The following ENDOD1 variants were observed in gnomAD, a reference collection of about 807,000 sequenced individuals.
ENDOD1 encodes endonuclease domain-containing 1 protein.
ENDOD1 carries 9 observed loss-of-function variants against 6.5 expected under a neutral mutation model. That is an observed-to-expected ratio of 1.39 (90% CI 0.84 to 2.43). The LOEUF (loss-of-function observed/expected upper bound fraction) is 2.43, where lower values mean the gene tolerates loss of function less well. Ranked by LOEUF, ENDOD1 falls within the 30% of genes most tolerant of loss-of-function variation. The pLI is 0.00. For synonymous variants in ENDOD1, 255 were observed against 255.2 expected (o/e 1.00, Z 0.01); for missense variants, 648 against 635.5 (o/e 1.02, Z -0.21).
chr11:95,112,764 C>T (rs915191786), intron 1 of ENDOD1, among the ~76,000 whole-genome samples: 3 of 152,186 alleles, frequency 2.0e-5, no homozygotes, highest in Admixed American at 6.5e-5. Flanking sequence ...TCTGAAATTC[C>T]GTTGCTTTTC....
chr11:95,092,370 GAGT>G (rs1555109954), intron 1 of ENDOD1, among the ~76,000 whole-genome samples: 10 of 152,158 alleles, frequency 6.6e-5, no homozygotes, highest in East Asian at 1.9e-4. Context: ...GCTAGGGAAG[GAGT>G]GAGTCGTAAA....
intron 1 of ENDOD1, among the ~76,000 whole-genome samples, chr11:95,110,315 T>C (rs1182358157): frequency 6.6e-6 from 1 of 152,144 alleles, no homozygotes; most frequent in Non-Finnish European, 1.5e-5. Flanking sequence ...CCCAATATCA[T>C]CCCCTTGCTC....
intron 1 of ENDOD1, among the ~76,000 whole-genome samples, chr11:95,092,624 C>T (rs1036965222): frequency 6.6e-5 from 10 of 152,156 alleles, no homozygotes; most frequent in Admixed American, 2.0e-4. Context: ...ATGCTTTTCC[C>T]TGCAAGGTGG....
At chr11:95,108,534 C>CACACAAAAAA (rs1176686943) in intron 1 of ENDOD1, among the ~76,000 whole-genome samples, 6 of 141,756 alleles carry the variant, frequency 4.2e-5, no homozygotes, top group African/African-American at 1.5e-4. Flanking sequence ...CACAGACACC[C>CACACAAAAAA]AAAAAAAGAA....
At chr11:95,109,036 GT>G (rs1859121741) in intron 1 of ENDOD1, among the ~76,000 whole-genome samples, 1 of 152,092 alleles carries the variant, frequency 6.6e-6, no homozygotes, top group Non-Finnish European at 1.5e-5. Context: ...TGCCTATATT[GT>G]AGTTCACACA....
rs759094081 is a variant in ENDOD1, at chr11:95,128,419, G to A, written c.343G>A (p.Ala115Thr). Residue 115 changes from alanine to threonine, a missense_variant, in exon 2 of 2, where the codon GCA (alanine) becomes ACA (threonine). Transcript: ENST00000278505. ...CAACCTTGAGGAGGCGATTAATGAG[G>A]CAGAGGCCATCACCTCTGTGAACAG... The part of the protein sequence containing the change: ...NSNLEEAINE[A>T]EAITSVNSLG... 6.2e-7 allele frequency: 1 copy of A among 1,614,086 alleles called. No individual in the cohort carries two copies. The highest frequency in any genetic ancestry group is 1.1e-5 in the South Asian group (1 of 91,074).
chr11:95,128,962 G>A lies in ENDOD1; in HGVS notation c.886G>A (p.Val296Ile), dbSNP rs748962440. 2.5e-6 allele frequency: 4 copies of A among 1,614,028 alleles called. No homozygotes were observed. The highest frequency in any genetic ancestry group is 1.6e-4 in the Middle Eastern group (1 of 6,062). The change falls in exon 2 of 2, where the codon GTA (valine) becomes ATA (isoleucine). Residue 296 changes from valine (V) to isoleucine (I), a missense_variant. Physicochemically the swap from Val to Ile is conservative, Grantham distance 29 (BLOSUM62 3). Coordinates refer to ENST00000278505, the MANE Select transcript of ENDOD1 (RefSeq NM_015036.3). ...CCAAATCCAGGATGAAGAACGAATG[G>A]TACAATCTCAAAAGAGTTCTAGTCC... ...VNQIQDEERM[V>I]QSQKSSSPLS...
rs1000369317 is a variant in ENDOD1, at chr11:95,090,245, C to A, written c.300+18C>A. The A allele has an allele frequency of 9.6e-6, 13 of 1,361,252 alleles. No individual in the cohort carries two copies. In the African/African-American group the frequency reaches 1.8e-4, roughly 19 times the overall value. The allele number at this position is 1,361,252 out of a possible 1,614,324, so 84.3% of individuals were successfully genotyped here. A position where few individuals can be genotyped will look rare whatever the true frequency, so the allele number is the denominator to read the frequency against. Reference sequence around the variant, plus strand: ...AGCCGCAGGTAAGCGAAGTGGTTCCCGAGCCGGGCTGCGGGCGCCGGAGAC... The same window carrying A: ...AGCCGCAGGTAAGCGAAGTGGTTCCAGAGCCGGGCTGCGGGCGCCGGAGAC... On this transcript the variant is annotated intron_variant, in intron 1 of 1. Transcript: ENST00000278505.
At chr11:95,109,186 C>T (rs1256910907) in intron 1 of ENDOD1, among the ~76,000 whole-genome samples, 3 of 152,256 alleles carry the variant, frequency 2.0e-5, no homozygotes, top group Non-Finnish European at 4.4e-5. Context: ...CTCCTGACCA[C>T]AGGATCTTGT....
chr11:95,105,594 C>T (rs1859081680), intron 1 of ENDOD1, among the ~76,000 whole-genome samples: 1 of 152,072 alleles, frequency 6.6e-6, no homozygotes, highest in African/African-American at 2.4e-5. Flanking sequence ...CACCCTTCCC[C>T]AGTGAGTATT....
intron 1 of ENDOD1, among the ~76,000 whole-genome samples, chr11:95,103,563 A>G (rs904462123): frequency 2.0e-5 from 3 of 152,234 alleles, no homozygotes; most frequent in Non-Finnish European, 4.4e-5. Flanking sequence ...AAGGCAGATC[A>G]TGACCAAGAA....
intron 1 of ENDOD1, among the ~76,000 whole-genome samples, chr11:95,119,838 G>A (rs1308708123): frequency 6.6e-6 from 1 of 152,164 alleles, no homozygotes; most frequent in Non-Finnish European, 1.5e-5. Flanking sequence ...AGTCTACCTG[G>A]TGTTCTAGTC....
chr11:95,103,096 AGTGGGTGTGTGTGT>A (rs1440569323), intron 1 of ENDOD1, among the ~76,000 whole-genome samples: 28 of 56,434 alleles, frequency 5.0e-4, no homozygotes, highest in African/African-American at 9.1e-4. Context: ...AACTAGGCAG[AGTGGGTGTGTGTGT>A]GTGTGTGTGT....
chr11:95,098,265 A>G (rs1252759653), intron 1 of ENDOD1, among the ~76,000 whole-genome samples: 1 of 152,248 alleles, frequency 6.6e-6, no homozygotes, highest in East Asian at 1.9e-4. Flanking sequence ...GATCTGCTGT[A>G]CAATGTAATG....
intron 1 of ENDOD1, among the ~76,000 whole-genome samples, chr11:95,100,469 C>T (rs1368259872): frequency 6.6e-6 from 1 of 151,956 alleles, no homozygotes; most frequent in Non-Finnish European, 1.5e-5. Context: ...ACTCTGGCCA[C>T]TTTGGCTTCT....
chr11:95,099,800 T>A (rs1859020769), intron 1 of ENDOD1, among the ~76,000 whole-genome samples: 1 of 152,228 alleles, frequency 6.6e-6, no homozygotes, highest in Non-Finnish European at 1.5e-5. Context: ...CCTCTATGTT[T>A]GTGAGATGGC....
At chr11:95,127,733 A>G (rs965994315) in intron 1 of ENDOD1, among the ~76,000 whole-genome samples, 2 of 151,126 alleles carry the variant, frequency 1.3e-5, no homozygotes, top group African/African-American at 4.9e-5. Flanking sequence ...TATTCCAAAA[A>G]AGAATTATGA....
At chr11:95,116,694 A>T (rs1191193165) in intron 1 of ENDOD1, among the ~76,000 whole-genome samples, 1 of 151,984 alleles carries the variant, frequency 6.6e-6, no homozygotes, top group Non-Finnish European at 1.5e-5. Flanking sequence ...ATATGTTTCC[A>T]TTATTATTTG....
intron 1 of ENDOD1, among the ~76,000 whole-genome samples, chr11:95,093,131 A>G (rs1234323565): frequency 6.6e-5 from 10 of 152,198 alleles, no homozygotes; most frequent in African/African-American, 9.7e-5. Context: ...GAAAATCTGT[A>G]AAGTGTTGCC....
Sources: allele counts gnomAD v4.1 joint callset (sites outside exome capture counted in the v4.1 genomes callset), GRCh38; gene constraint gnomAD v4.1.1; transcripts MANE v1.5; gene names NCBI Gene and HGNC (gene_info 2026-07-23, HGNC 2026-07-21).